TRPM3: variants seen among roughly 807,000 people sequenced by gnomAD.
TRPM3 encodes long transient receptor potential channel 3.
A neutral mutation model predicts 181.2 loss-of-function variants in TRPM3; 77 were observed. The ratio of observed to expected loss-of-function variants is 0.42; its 90% CI spans 0.35 to 0.51. The LOEUF (loss-of-function observed/expected upper bound fraction) is 0.51, where lower values mean the gene tolerates loss of function less well. Among genes scored for constraint, TRPM3 ranks in the 20% least tolerant of loss-of-function variants. The probability of loss-of-function intolerance (pLI) is 0.01; values close to 1 mark genes in which losing one functional copy is unlikely to be tolerated. For synonymous variants in TRPM3, 745 were observed against 796.4 expected, an observed-to-expected ratio of 0.94 and a Z score of 1.09; for missense variants, 1,759 against 2,196.7, an observed-to-expected ratio of 0.80 and a Z score of 3.98.
chr9:70,893,354 G>A (rs1235844345), intron 1 of TRPM3, among the ~76,000 whole-genome samples: 1 of 152,014 alleles, frequency 6.6e-6, no homozygotes, highest in East Asian at 1.9e-4. Flanking sequence ...TGCATAGAAA[G>A]GAAGCCCTAA....
chr9:70,934,597 T>C (rs1307923494), intron 1 of TRPM3, among the ~76,000 whole-genome samples: 1 of 152,200 alleles, frequency 6.6e-6, no homozygotes, highest in Admixed American at 6.5e-5. Flanking sequence ...GAACAAAATA[T>C]GATCTTACAG....
At chr9:71,311,087 C>T (rs1463147036) in intron 1 of TRPM3, among the ~76,000 whole-genome samples, 1 of 151,876 alleles carries the variant, frequency 6.6e-6, no homozygotes, top group African/African-American at 2.4e-5. Flanking sequence ...ACCTTATATA[C>T]TTTTTTGGAG....
intron 19 of TRPM3, 96 bp from the exon 20 acceptor site, chr9:70,603,566 A>C: frequency 7.2e-7 from 1 of 1,380,466 alleles, no homozygotes; most frequent in Non-Finnish European, 9.9e-7. Flanking sequence ...CAGGGTCAGC[A>C]AGCAGGACAC....
intron 22 of TRPM3, among the ~76,000 whole-genome samples, chr9:70,586,992 G>T (rs1182044904): frequency 6.7e-6 from 1 of 149,744 alleles, no homozygotes; most frequent in Non-Finnish European, 1.5e-5. Flanking sequence ...TGGACACAAA[G>T]GAGCAAGGAT....
At chr9:71,235,134 C>T (rs1040132564) in intron 1 of TRPM3, among the ~76,000 whole-genome samples, 4 of 152,326 alleles carry the variant, frequency 2.6e-5, no homozygotes, top group African/African-American at 4.8e-5. Context: ...CCAGGCTTGG[C>T]GCCCTGCAGG....
chr9:71,006,482 A>G (rs921297645), intron 1 of TRPM3, among the ~76,000 whole-genome samples: 5 of 152,200 alleles, frequency 3.3e-5, no homozygotes, highest in African/African-American at 1.2e-4. Flanking sequence ...ACACATATTG[A>G]AAGTGAAGGG....
At chr9:71,369,677 C>T (rs868133104) in intron 1 of TRPM3, among the ~76,000 whole-genome samples, 12 of 152,264 alleles carry the variant, frequency 7.9e-5, no homozygotes, top group Middle Eastern at 3.4e-3. Context: ...ACACCGCGCC[C>T]GGCCGGGAAC....
chr9:70,835,191 T>C (rs1315845622), intron 5 of TRPM3, among the ~76,000 whole-genome samples: 2 of 152,144 alleles, frequency 1.3e-5, no homozygotes, highest in African/African-American at 2.4e-5. Flanking sequence ...ATTATGTTTC[T>C]CTTACAGACT....
At position 70,922,165 on chromosome 9, in the gene TRPM3, A is replaced by G. The variant is rs555710632; in HGVS notation, c.178-57654T>C. Among the ~76,000 whole-genome samples the G allele has an allele frequency of 2.7e-4, 41 of 152,282 alleles. 1 individual carries two copies. In the South Asian group the frequency reaches 8.5e-3, roughly 32 times the overall value. ...GAGACACATATCTGTGCATAGATTG[A>G]ACAACCATTTTTCTGACATATGAAC... On this transcript the variant is annotated intron_variant, in intron 1 of 25. Transcript: ENST00000677713.
chr9:71,394,322 A>G (rs897781570), intron 1 of TRPM3, among the ~76,000 whole-genome samples: 1 of 152,222 alleles, frequency 6.6e-6, no homozygotes, highest in Non-Finnish European at 1.5e-5. Context: ...TGTATATTGT[A>G]TGACTTCAAC....
intron 22 of TRPM3, among the ~76,000 whole-genome samples, chr9:70,573,972 T>TCACACACACA (rs59193514): frequency 0.022 from 3,034 of 140,940 alleles, 44 homozygotes; most frequent in Non-Finnish European, 0.026. Context: ...GCAATTCATT[T>TCACACACACA]CACACACACA....
chr9:71,193,589 C>T lies in TRPM3; in HGVS notation c.183+253064G>A, dbSNP rs531285347. ...CAACCCTCAACTTTCTATTAATCTC[C>T]GAAACTGAAATTTATCTATTAAATC... is the stretch of plus-strand genomic sequence containing the variant. On this transcript the variant is annotated intron_variant, in intron 1 of 24. Transcript: ENST00000357533. Among the ~76,000 whole-genome samples, 10 of 151,932 alleles carry T rather than the reference C, an allele frequency of 6.6e-5. No individual in the cohort carries two copies. The South Asian group carries it at 8.3e-4, about 13-fold the overall frequency.
At chr9:70,898,671 C>T (rs1344566447) in intron 1 of TRPM3, among the ~76,000 whole-genome samples, 4 of 147,972 alleles carry the variant, frequency 2.7e-5, no homozygotes, top group Non-Finnish European at 3.0e-5. Flanking sequence ...TCTCTTGAAC[C>T]CGGGAGGTAG....
At chr9:71,009,987 A>C (rs1036130482) in intron 1 of TRPM3, among the ~76,000 whole-genome samples, 2 of 152,166 alleles carry the variant, frequency 1.3e-5, no homozygotes, top group Non-Finnish European at 2.9e-5. Flanking sequence ...GGGAAAAGAC[A>C]GTCTCTTCAA....
chr9:70,868,964 A>G (rs2095721724), intron 1 of TRPM3: 1 of 983,766 alleles, frequency 1.0e-6, no homozygotes, highest in South Asian at 4.7e-5. Context: ...AACAAGAGAA[A>G]AGTTAGCTGA....
intron 9 of TRPM3, among the ~76,000 whole-genome samples, chr9:70,642,078 G>A (rs562627877): frequency 6.6e-4 from 101 of 152,166 alleles, no homozygotes; most frequent in Non-Finnish European, 1.2e-3. Context: ...CATGCTGCTG[G>A]ATATCTCACG....
chr9:70,872,419 G>A (rs2095804096), intron 1 of TRPM3, among the ~76,000 whole-genome samples: 1 of 151,916 alleles, frequency 6.6e-6, no homozygotes, highest in Non-Finnish European at 1.5e-5. Flanking sequence ...ATCTCCTTGA[G>A]AGGACTTTGC....
chr9:71,199,400 G>A (rs1335820189), intron 1 of TRPM3, among the ~76,000 whole-genome samples: 2 of 152,118 alleles, frequency 1.3e-5, no homozygotes, highest in Non-Finnish European at 2.9e-5. Flanking sequence ...AATGAGTTAG[G>A]GAGGATTTCC....
At chr9:71,293,631 A>C (rs987810631) in intron 1 of TRPM3, among the ~76,000 whole-genome samples, 7 of 151,884 alleles carry the variant, frequency 4.6e-5, no homozygotes, top group African/African-American at 1.7e-4. Flanking sequence ...AATATTGTAA[A>C]GGTATCAATC....
Sources: gnomAD v4.1 joint callset for allele counts (sites outside exome capture counted in the v4.1 genomes callset) on GRCh38, gnomAD v4.1.1 for gene constraint, MANE v1.5 for transcripts, NCBI Gene and HGNC (gene_info 2026-07-23, HGNC 2026-07-21) for gene names.